The following DPP10 variants were observed in gnomAD, a reference collection of about 807,000 sequenced individuals.
The protein encoded by DPP10 is dipeptidyl peptidase like 10, also known as inactive dipeptidyl peptidase 10.
DPP10 carries 33 observed loss-of-function variants against 120.9 expected under a neutral mutation model. The ratio of observed to expected loss-of-function variants is 0.27; its 90% CI spans 0.21 to 0.37. The LOEUF (loss-of-function observed/expected upper bound fraction) is 0.37. Ranked by LOEUF, DPP10 falls within the 10% of genes least tolerant of loss-of-function variation. The pLI, the probability that DPP10 is intolerant of heterozygous loss-of-function variation, is 1.00. For synonymous variants in DPP10, 337 were observed against 326.1 expected (o/e 1.03, Z -0.36); for missense variants, 816 against 942.8 (o/e 0.87, Z 1.76).
Position 114,508,976 on chromosome 2 carries a change from C to T in DPP10, c.60+66138C>T, listed in dbSNP as rs189895885. 6.3e-4 allele frequency among the ~76,000 whole-genome samples: 96 copies of T among 151,610 alleles called. 1 individual carries two copies. Among genetic ancestry groups the T allele is most frequent in the Admixed American group, 4.1e-3 (63 of 15,236 alleles). On this transcript the variant is annotated intron_variant, in intron 1 of 25. Transcript: ENST00000410059. ...AATTTGAGTCGAATACCAAGACAACCGACATCTCCAGTGTGAGGAAAGAGA... is the reference window on the plus strand; with the variant it reads ...AATTTGAGTCGAATACCAAGACAACTGACATCTCCAGTGTGAGGAAAGAGA...
At chr2:114,799,899 C>T (rs1684048802) in intron 1 of DPP10, among the ~76,000 whole-genome samples, 1 of 152,196 alleles carries the variant, frequency 6.6e-6, no homozygotes, top group South Asian at 2.1e-4. Flanking sequence ...TTGAATCATT[C>T]TTCATTTAAT....
At chr2:115,717,795 G>A (rs2092542359) in intron 7 of DPP10, among the ~76,000 whole-genome samples, 1 of 152,146 alleles carries the variant, frequency 6.6e-6, no homozygotes, top group South Asian at 2.1e-4. Context: ...GCTGGATGCT[G>A]AGGGTCTGCT....
chr2:115,361,844 T>G (rs1332795843), intron 3 of DPP10, among the ~76,000 whole-genome samples: 1 of 152,084 alleles, frequency 6.6e-6, no homozygotes, highest in African/African-American at 2.4e-5. Flanking sequence ...TGAGGTGTGA[T>G]GGTTCACTGG....
chr2:115,079,393 A>T (rs558425641), intron 1 of DPP10, among the ~76,000 whole-genome samples: 1 of 122,594 alleles, frequency 8.2e-6, no homozygotes, highest in African/African-American at 2.6e-5. Context: ...AAAAAAAGAA[A>T]ATCCTTAAAA....
At chr2:115,299,610 A>T (rs2061036283) in intron 1 of DPP10, among the ~76,000 whole-genome samples, 1 of 152,060 alleles carries the variant, frequency 6.6e-6, no homozygotes, top group African/African-American at 2.4e-5. Context: ...TTATATAGAC[A>T]TATATAAGAA....
intron 1 of DPP10, among the ~76,000 whole-genome samples, chr2:115,077,854 A>T (rs1276682494): frequency 6.6e-6 from 1 of 152,234 alleles, no homozygotes; most frequent in Admixed American, 6.5e-5. Flanking sequence ...TAAGCTAATG[A>T]GCCAGCACTG....
intron 1 of DPP10, among the ~76,000 whole-genome samples, chr2:114,813,071 C>T (rs1685321107): frequency 6.6e-6 from 1 of 152,156 alleles, no homozygotes; most frequent in African/African-American, 2.4e-5. Flanking sequence ...CAGGAAGCTC[C>T]TCATCTTCGT....
chr2:114,735,720 G>A (rs1036634083), intron 1 of DPP10, among the ~76,000 whole-genome samples: 1 of 151,984 alleles, frequency 6.6e-6, no homozygotes. Context: ...GTTGCCAGAC[G>A]TAAAATTTGG....
intron 5 of DPP10, among the ~76,000 whole-genome samples, chr2:115,614,348 A>T (rs538693592): frequency 6.6e-6 from 1 of 152,264 alleles, no homozygotes; most frequent in Non-Finnish European, 1.5e-5. Flanking sequence ...CTGCACAAAT[A>T]ACCATTTATA....
chr2:115,330,632 CA>C (rs1285121220), intron 2 of DPP10, among the ~76,000 whole-genome samples: 1 of 151,880 alleles, frequency 6.6e-6, no homozygotes, highest in African/African-American at 2.4e-5. Flanking sequence ...GGAAGGGATC[CA>C]GTTTCAGCTT....
intron 1 of DPP10, among the ~76,000 whole-genome samples, chr2:115,047,677 T>C (rs1705167750): frequency 6.6e-6 from 1 of 152,080 alleles, no homozygotes; most frequent in Non-Finnish European, 1.5e-5. Context: ...TCAGTTGTAC[T>C]CTCAAGACAA....
In DPP10 at chr2:115,309,318, C is replaced by T. The variant is rs1326213029; in HGVS notation, c.140C>T (p.Ser47Leu). Residue 47 changes from serine to leucine, a missense_variant, in exon 2 of 26, where the codon TCA (serine) becomes TTA (leucine). Coordinates refer to ENST00000410059, the MANE Select transcript of DPP10 (RefSeq NM_020868.6). ...IALLVILVVCSLITMSVILLT... is the reference protein window; with the variant it reads ...IALLVILVVCLLITMSVILLT... ...CTGCTGGTGATTTTAGTTGTATGCT[C>T]ACTCATCACTATGTCAGTCATCCTC... 6.2e-7 allele frequency: 1 copy of T among 1,613,296 alleles called. No individual in the cohort carries two copies. Among genetic ancestry groups the T allele is most frequent in the Non-Finnish European group, 8.5e-7 (1 of 1,179,618 alleles).
intron 10 of DPP10, among the ~76,000 whole-genome samples, chr2:115,752,089 C>A (rs546852939): frequency 2.6e-5 from 4 of 152,270 alleles, no homozygotes; most frequent in African/African-American, 9.6e-5. Context: ...TAAGTCACTG[C>A]ACCTGGCCAA....
chr2:115,189,361 A>C (rs934832816), intron 1 of DPP10, among the ~76,000 whole-genome samples: 1 of 152,094 alleles, frequency 6.6e-6, no homozygotes, highest in African/African-American at 2.4e-5. Flanking sequence ...ATGAGCCGGG[A>C]CAGAGCAGGC....
At chr2:115,323,122 C>G (rs1042286164) in intron 2 of DPP10, among the ~76,000 whole-genome samples, 2 of 152,168 alleles carry the variant, frequency 1.3e-5, no homozygotes, top group African/African-American at 4.8e-5. Flanking sequence ...CCACAATAGA[C>G]CTTCTTTCAA....
At chr2:115,459,650 A>G (rs2073861139) in intron 3 of DPP10, among the ~76,000 whole-genome samples, 1 of 152,040 alleles carries the variant, frequency 6.6e-6, no homozygotes, top group African/African-American at 2.4e-5. Flanking sequence ...CTCTAGGGAT[A>G]AAAAAGCAAT....
At chr2:114,837,917 G>A (rs1035081624) in intron 1 of DPP10, among the ~76,000 whole-genome samples, 1 of 152,202 alleles carries the variant, frequency 6.6e-6, no homozygotes, top group African/African-American at 2.4e-5. Context: ...TTATGTTTCA[G>A]TCAGAGTAGA....
intron 1 of DPP10, among the ~76,000 whole-genome samples, chr2:114,490,796 G>T (rs1475819792): frequency 6.6e-6 from 1 of 151,416 alleles, no homozygotes; most frequent in Non-Finnish European, 1.5e-5. Context: ...GGGGGCGGGG[G>T]GTAATGTGAA....
intron 1 of DPP10, among the ~76,000 whole-genome samples, chr2:115,154,395 C>T (rs1296032855): frequency 6.6e-6 from 1 of 152,052 alleles, no homozygotes; most frequent in Non-Finnish European, 1.5e-5. Flanking sequence ...TGTTTTAGAA[C>T]TAAGCAATAT....
Sources: allele counts gnomAD v4.1 joint callset (sites outside exome capture counted in the v4.1 genomes callset), GRCh38; gene constraint gnomAD v4.1.1; transcripts MANE v1.5; gene names NCBI Gene and HGNC (gene_info 2026-07-23, HGNC 2026-07-21).